Variants in HDAC4 observed in about 807,000 individuals in gnomAD.
HDAC4 encodes the protein histone deacetylase 4, also known as histone deacetylase A.
In HDAC4, 16 loss-of-function variants were observed where a neutral mutation model predicts 135.1. That is an observed-to-expected ratio of 0.12 (90% confidence interval 0.08 to 0.18). The LOEUF (loss-of-function observed/expected upper bound fraction) is 0.18, where lower values mean the gene tolerates loss of function less well. HDAC4 is among the 10% of genes least tolerant of loss of function. The pLI is 1.00. For missense variants in HDAC4, 1,143 were observed against 1,511.8 expected, an observed-to-expected ratio of 0.76 and a Z score of 4.05; for synonymous variants, 685 against 653.4, an observed-to-expected ratio of 1.05 and a Z score of -0.74.
chr2:239,200,865 T>C (rs2045713111), intron 3 of HDAC4, among the ~76,000 whole-genome samples: 1 of 152,092 alleles, frequency 6.6e-6, no homozygotes, highest in Non-Finnish European at 1.5e-5. Context: ...CAGGCCTGGA[T>C]GGCACTGCGC....
At position 239,308,603 on chromosome 2, in the gene HDAC4, G is replaced by A. The variant is rs539525207; in HGVS notation, c.22+44075C>T. Among the ~76,000 whole-genome samples, 1 of 152,298 alleles carries A rather than the reference G, an allele frequency of 6.6e-6. No homozygotes were observed. The highest frequency in any genetic ancestry group is 2.4e-5 in the African/African-American group (1 of 41,558). ...TCGTATCCAGGTGAGCTCGTTTTTT[G>A]TATTTCAAAAGCACAAAGATCTATG... On this transcript the variant is annotated intron_variant, in intron 2 of 26. Transcript: ENST00000543185. This position sits in a 1 kb window ranked among gnomAD's most constrained non-coding sequence, Gnocchi z 4.2.
intron 2 of HDAC4, among the ~76,000 whole-genome samples, chr2:239,289,943 G>A (rs145428605): frequency 1.2e-3 from 188 of 152,180 alleles, no homozygotes; most frequent in Non-Finnish European, 5.0e-4. Flanking sequence ...AAACAGCATC[G>A]TGATCTTTAC....
At chr2:239,080,811 G>A (rs1021052504) in intron 22 of HDAC4, 19 of 510,892 alleles carry the variant, frequency 3.7e-5, no homozygotes, top group Non-Finnish European at 5.2e-5. Context: ...CTGCACAAAA[G>A]TCCCTGCCTC....
chr2:239,379,185 C>G (rs899811336), intron 1 of HDAC4, among the ~76,000 whole-genome samples: 1 of 152,118 alleles, frequency 6.6e-6, no homozygotes, highest in African/African-American at 2.4e-5. Context: ...AGCTGTTCCT[C>G]GGAGGACAGA....
intron 2 of HDAC4, among the ~76,000 whole-genome samples, chr2:239,270,605 C>G (rs141379771): frequency 6.6e-6 from 1 of 152,206 alleles, no homozygotes; most frequent in Non-Finnish European, 1.5e-5. Context: ...CAAGTCTCCT[C>G]GGAACTGGAC....
intron 3 of HDAC4, among the ~76,000 whole-genome samples, chr2:239,218,215 C>A (rs1327023988): frequency 1.3e-5 from 2 of 152,102 alleles, no homozygotes; most frequent in African/African-American, 4.8e-5. Context: ...GGATAAAAAA[C>A]AGGACTGAAC....
At chr2:239,391,622 G>A (rs1297171038) in intron 1 of HDAC4, among the ~76,000 whole-genome samples, 1 of 152,220 alleles carries the variant, frequency 6.6e-6, no homozygotes, top group African/African-American at 2.4e-5. Flanking sequence ...ATGGGGTCAT[G>A]ACAGTGAAGC....
At chr2:239,251,004 C>T (rs940632494) in intron 2 of HDAC4, among the ~76,000 whole-genome samples, 11 of 152,308 alleles carry the variant, frequency 7.2e-5, no homozygotes, top group Admixed American at 2.0e-4. Context: ...GCAGCCAGCA[C>T]GTCTGGAAAG....
chr2:239,070,198 G>C (rs1163429528), intron 22 of HDAC4, among the ~76,000 whole-genome samples: 7 of 152,234 alleles, frequency 4.6e-5, no homozygotes. Context: ...TGCTGGGGGA[G>C]CCCACGTGTT....
rs190323620 is a variant in HDAC4 at position 239,242,324 on chromosome 2, G to A, written c.23-5660C>T. 3.3e-5 allele frequency among the ~76,000 whole-genome samples: 5 copies of A among 152,180 alleles called. No individual in the cohort carries two copies. In the East Asian group the frequency reaches 9.7e-4, roughly 29 times the overall value. ...GAGAGAAGATAATCTTTACAGTACT[G>A]CATCTTTCAATCCATGAACATGGGC... On this transcript the variant is annotated intron_variant, in intron 2 of 26. Coordinates refer to ENST00000543185, the MANE Select transcript of HDAC4 (RefSeq NM_001378414.1).
intron 12 of HDAC4, among the ~76,000 whole-genome samples, chr2:239,118,096 G>A (rs750012606): frequency 5.9e-5 from 9 of 152,150 alleles, no homozygotes; most frequent in Non-Finnish European, 1.3e-4. Flanking sequence ...GGGCTGAGAC[G>A]CAGACTCACA....
intron 1 of HDAC4, among the ~76,000 whole-genome samples, chr2:239,388,337 C>T (rs972261620): frequency 1.3e-5 from 2 of 152,232 alleles, no homozygotes; most frequent in African/African-American, 2.4e-5. Context: ...TCCACCTAAT[C>T]CCAAAGCACA....
At chr2:239,364,487 G>A (rs781192009) in intron 1 of HDAC4, among the ~76,000 whole-genome samples, 13 of 152,312 alleles carry the variant, frequency 8.5e-5, no homozygotes, top group Non-Finnish European at 1.3e-4. Flanking sequence ...ACACTAATCC[G>A]AGGTGGGAGA....
intron 2 of HDAC4, among the ~76,000 whole-genome samples, chr2:239,327,349 G>A (rs896665641): frequency 6.6e-6 from 1 of 152,174 alleles, no homozygotes; most frequent in African/African-American, 2.4e-5. Context: ...GGGTTGGGAG[G>A]CACCCCCATG....
chr2:239,355,324 C>T (rs77109322), intron 1 of HDAC4, among the ~76,000 whole-genome samples: 3,936 of 151,934 alleles, frequency 0.026, 89 homozygotes, highest in Non-Finnish European at 0.04. Context: ...CCTCTTTCAC[C>T]GGTGACACAT....
chr2:239,128,183 G>C (rs536146620), intron 11 of HDAC4, among the ~76,000 whole-genome samples: 1 of 152,076 alleles, frequency 6.6e-6, no homozygotes, highest in Non-Finnish European at 1.5e-5. Flanking sequence ...AAATTACAGT[G>C]AATAACTAAA....
At chr2:239,242,197 GAGAA>G (rs1426189339) in intron 2 of HDAC4, among the ~76,000 whole-genome samples, 7 of 132,792 alleles carry the variant, frequency 5.3e-5, no homozygotes, top group Non-Finnish European at 9.4e-5. Flanking sequence ...GAAAGAGGGA[GAGAA>G]AGAGAGAGGA....
chr2:239,281,588 CCACA>C lies in HDAC4; in HGVS notation c.23-44928_23-44925del, dbSNP rs578161454. 9.6e-3 allele frequency among the ~76,000 whole-genome samples: 1,360 copies of C among 141,432 alleles called. 18 individuals are homozygous for C. Among genetic ancestry groups the C allele is most frequent in the African/African-American group, 0.033 (1,243 of 37,852 alleles). 92.8% of individuals were successfully genotyped at this position (141,432 alleles called of 152,430 possible). A position where few individuals can be genotyped will look rare whatever the true frequency, so the allele number is the denominator to read the frequency against. On this transcript the variant is annotated intron_variant, in intron 2 of 26. Transcript: ENST00000543185. ...CACTCTACAATGTACACACCACTCT[CCACA>C]CAATGTACACACCACTCTACACACA...
chr2:239,056,280 C>T (rs956510119), intron 24 of HDAC4, among the ~76,000 whole-genome samples: 1 of 152,216 alleles, frequency 6.6e-6, no homozygotes, highest in Non-Finnish European at 1.5e-5. Flanking sequence ...GGATGATGAG[C>T]GAGGTTCCCA....
Sources: gnomAD v4.1 joint callset for allele counts (sites outside exome capture counted in the v4.1 genomes callset) on GRCh38, gnomAD v4.1.1 for gene constraint, Gnocchi (gnomAD v3.1) non-coding constraint, MANE v1.5 for transcripts, NCBI Gene and HGNC (gene_info 2026-07-23, HGNC 2026-07-21) for gene names.